Variants in CPA5 observed in about 807,000 individuals in gnomAD.
CPA5 encodes the protein testicular tissue protein Li 32.
A neutral mutation model predicts 52.2 loss-of-function variants in CPA5; 38 were observed. The ratio of observed to expected loss-of-function variants is 0.73; its 90% confidence interval spans 0.56 to 0.95. The LOEUF (loss-of-function observed/expected upper bound fraction) is 0.95. Ranked by LOEUF, CPA5 falls within the 40% of genes least tolerant of loss-of-function variation. The pLI is 0.00. For synonymous variants in CPA5, 198 were observed against 213.7 expected, an observed-to-expected ratio of 0.93 and a Z score of 0.64; for missense variants, 519 against 566.7, an observed-to-expected ratio of 0.92 and a Z score of 0.86.
chr7:130,366,347 G>A (rs1400663234), intron 10 of CPA5, among the ~76,000 whole-genome samples: 1 of 152,114 alleles, frequency 6.6e-6, no homozygotes, highest in Non-Finnish European at 1.5e-5. Context: ...GGAGAGAGAG[G>A]AGAAACTGGG....
intron 10 of CPA5, among the ~76,000 whole-genome samples, chr7:130,366,263 T>C (rs1475947255): frequency 6.6e-6 from 1 of 152,178 alleles, no homozygotes; most frequent in Non-Finnish European, 1.5e-5. Flanking sequence ...AGAGGAATGC[T>C]GTGGCCTCCT....
chr7:130,353,187 A>G (rs1466028588), intron 5 of CPA5, among the ~76,000 whole-genome samples: 4 of 150,882 alleles, frequency 2.7e-5, no homozygotes, highest in Non-Finnish European at 5.9e-5. Flanking sequence ...ATGCTTCCCC[A>G]TAGACTGAAA....
Position 130,345,221 on chromosome 7 carries a change from G to A in CPA5, c.-152+16G>A, listed in dbSNP as rs1794662604. 1 of 152,208 alleles carries A rather than the reference G, an allele frequency of 6.6e-6. No homozygotes were observed. The highest frequency in any genetic ancestry group is 1.5e-5 in the Non-Finnish European group (1 of 68,052). 9.4% of individuals were successfully genotyped at this position (152,208 alleles called of 1,614,324 possible). On this transcript the variant is annotated intron_variant, in intron 1 of 12. Coordinates refer to ENST00000474905, the MANE Select transcript of CPA5 (RefSeq NM_080385.5). ...AGTAGGGCAGGTGGGTGGGGGAGCAGGGCGTTCTGTCGATAAACGAGCTCC... is the reference window on the plus strand; with the variant it reads ...AGTAGGGCAGGTGGGTGGGGGAGCAAGGCGTTCTGTCGATAAACGAGCTCC...
At chr7:130,351,900 G>A (rs546625450) in intron 5 of CPA5, among the ~76,000 whole-genome samples, 3 of 152,246 alleles carry the variant, frequency 2.0e-5, no homozygotes, top group South Asian at 2.1e-4. Flanking sequence ...CGGTTGGGGA[G>A]TTCAGGACAG....
At chr7:130,370,799 G>C (rs142455152), downstream of CPA5, among the ~76,000 whole-genome samples, 783 of 152,324 alleles carry the variant, frequency 5.1e-3, 6 homozygotes, top group African/African-American at 0.018. Context: ...ATATCTGGGG[G>C]CAGACACCCC....
chr7:130,369,464 TG>T (rs1796266029), downstream of CPA5, among the ~76,000 whole-genome samples: 1 of 152,214 alleles, frequency 6.6e-6, no homozygotes, highest in Admixed American at 6.5e-5. Context: ...ACTGGCAGGC[TG>T]TACTATGCAG....
At chr7:130,347,889 C>A (rs1794868755) in intron 4 of CPA5, 42 bp downstream of exon 4, 5 of 1,507,464 alleles carry the variant, frequency 3.3e-6, no homozygotes, top group Non-Finnish European at 4.6e-6. Context: ...ACCCCCTCCT[C>A]AGTGGCTCAC....
At chr7:130,360,506 A>AT (rs1483293222) in intron 6 of CPA5, among the ~76,000 whole-genome samples, 1 of 152,260 alleles carries the variant, frequency 6.6e-6, no homozygotes, top group Admixed American at 6.5e-5. Context: ...CACACGTCTC[A>AT]TTTTGCGTGT....
At chr7:130,347,217 G>A (rs549100912) in intron 3 of CPA5, among the ~76,000 whole-genome samples, 1 of 152,262 alleles carries the variant, frequency 6.6e-6, no homozygotes, top group South Asian at 2.1e-4. Context: ...CACACCACAG[G>A]CCTCTTGGAT....
downstream of CPA5, among the ~76,000 whole-genome samples, chr7:130,372,495 C>T (rs1447650348): frequency 3.3e-5 from 5 of 152,198 alleles, no homozygotes; most frequent in Non-Finnish European, 7.3e-5. Flanking sequence ...GACCCAGACC[C>T]TTGTGATCTC....
At chr7:130,357,952 C>CTGTGTGTGTGTGTG (rs60840017) in intron 5 of CPA5, among the ~76,000 whole-genome samples, 188 of 140,022 alleles carry the variant, frequency 1.3e-3, no homozygotes, top group Admixed American at 1.7e-3. Context: ...TTTTGTGCCT[C>CTGTGTGTGTGTGTG]TGTGTGTGTG....
At chr7:130,347,884 C>A in intron 4 of CPA5, 37 bp downstream of exon 4, 1 of 1,537,498 alleles carries the variant, frequency 6.5e-7, no homozygotes, top group Non-Finnish European at 9.0e-7. Context: ...ACCCCACCCC[C>A]TCCTCAGTGG....
downstream of CPA5, among the ~76,000 whole-genome samples, chr7:130,369,293 C>A (rs933910608): frequency 6.6e-6 from 1 of 152,138 alleles, no homozygotes; most frequent in African/African-American, 2.4e-5. Flanking sequence ...ATCAGCGACA[C>A]CATCCTGGTT....
In CPA5 at chr7:130,346,548, C is replaced by T. The variant is rs1422502758; in HGVS notation, c.63C>T (p.Leu21=). 6.2e-7 allele frequency: 1 copy of T among 1,614,070 alleles called. No individual in the cohort carries two copies. Among genetic ancestry groups the T allele is most frequent in the East Asian group, 2.2e-5 (1 of 44,882 alleles). ...CATCCCCCGTGGACAGGCGGACACT[C>T]CTGGTCTTCAGCTTTATCCTGGCAG... ...PGPSPVDRRT[L]LVFSFILAAA... Residue 21 remains leucine, a synonymous_variant, in exon 3 of 13, where the codon CTC becomes CTT. Coordinates refer to ENST00000474905, the MANE Select transcript of CPA5 (RefSeq NM_080385.5).
intron 7 of CPA5, among the ~76,000 whole-genome samples, chr7:130,362,015 C>T (rs1435567074): frequency 2.0e-5 from 3 of 152,152 alleles, no homozygotes; most frequent in Non-Finnish European, 2.9e-5. Flanking sequence ...TGAAGCCTTG[C>T]TATTCAAAGC....
chr7:130,364,004 C>T (rs1237781804), intron 10 of CPA5, among the ~76,000 whole-genome samples: 1 of 152,196 alleles, frequency 6.6e-6, no homozygotes, highest in East Asian at 1.9e-4. Flanking sequence ...TTTCAAGTGT[C>T]CAATAGAATT....
chr7:130,349,662 T>C lies in CPA5; in HGVS notation c.199-313T>C, dbSNP rs141215362. Among the ~76,000 whole-genome samples the C allele has an allele frequency of 1.3e-3, 201 of 152,338 alleles. No individual in the cohort carries two copies. The Middle Eastern group carries it at 0.024, about 18-fold the overall frequency. On this transcript the variant is annotated intron_variant, in intron 4 of 12. Transcript: ENST00000474905. ...CCTGATGTGATCATTACACATTGTATACCTGTATCAAAATATCCCATATAC... is the reference window on the plus strand; with the variant it reads ...CCTGATGTGATCATTACACATTGTACACCTGTATCAAAATATCCCATATAC...
downstream of CPA5, among the ~76,000 whole-genome samples, chr7:130,372,173 A>G (rs116404379): frequency 8.9e-4 from 135 of 152,346 alleles, 1 homozygote; most frequent in African/African-American, 3.1e-3. Context: ...ATGATAATCA[A>G]TAACTAATCG....
At chr7:130,372,637 A>G (rs1452625553), downstream of CPA5, among the ~76,000 whole-genome samples, 2 of 152,182 alleles carry the variant, frequency 1.3e-5, no homozygotes, top group Non-Finnish European at 2.9e-5. Flanking sequence ...GGGTCCAGAG[A>G]CTTCGCCTTA....
Sources: allele counts gnomAD v4.1 joint callset (sites outside exome capture counted in the v4.1 genomes callset), GRCh38; gene constraint gnomAD v4.1.1; transcripts MANE v1.5; gene names NCBI Gene and HGNC (gene_info 2026-07-23, HGNC 2026-07-21).